The following TPST2 variants were observed in gnomAD, a reference collection of about 807,000 sequenced individuals.
The protein encoded by TPST2 is tyrosylprotein sulfotransferase 2.
A neutral mutation model predicts 27.8 loss-of-function variants in TPST2; 16 were observed. The ratio of observed to expected loss-of-function variants is 0.58; its 90% confidence interval spans 0.39 to 0.88. TPST2 has a LOEUF of 0.88. Ranked by LOEUF, TPST2 falls within the 40% of genes least tolerant of loss-of-function variation. The pLI is 0.00. For synonymous variants in TPST2, 229 were observed against 231.7 expected, an observed-to-expected ratio of 0.99 and a Z score of 0.10; for missense variants, 464 against 543.1, an observed-to-expected ratio of 0.85 and a Z score of 1.45.
At chr22:26,561,219 A>G (rs1927074982) in intron 1 of TPST2, 24 of 1,523,652 alleles carry the variant, frequency 1.6e-5, no homozygotes, top group Admixed American at 9.0e-5. Flanking sequence ...CCCCCTGTAC[A>G]CAACTCACTC....
intron 1 of TPST2, among the ~76,000 whole-genome samples, chr22:26,574,760 C>G (rs896753545): frequency 6.6e-6 from 1 of 152,174 alleles, no homozygotes; most frequent in Non-Finnish European, 1.5e-5. Context: ...CCTCACCACC[C>G]AGAATGTAGG....
At chr22:26,528,720 T>C (rs983060375) in intron 5 of TPST2, among the ~76,000 whole-genome samples, 1 of 152,212 alleles carries the variant, frequency 6.6e-6, no homozygotes, top group Admixed American at 6.5e-5. Flanking sequence ...CCATGGCTCA[T>C]GGCTGTAATC....
chr22:26,536,124 G>T (rs982452039), intron 4 of TPST2, 164 bp downstream of exon 4: 2 of 1,024,262 alleles, frequency 2.0e-6, no homozygotes, highest in Non-Finnish European at 3.0e-6. Flanking sequence ...AAGCAAAATG[G>T]AAATACAAGC....
rs570960447 is a variant in TPST2, at chr22:26,572,123, T to C, written c.-161+17930A>G. On this transcript the variant is annotated intron_variant, in intron 1 of 6. Transcript: ENST00000338754. ...CCATGCATCCCTGGCTTTCTTATTTTCATTCTCAGTCCACCTTCGACCCCT... is the reference window on the plus strand; with the variant it reads ...CCATGCATCCCTGGCTTTCTTATTTCCATTCTCAGTCCACCTTCGACCCCT... Among the ~76,000 whole-genome samples, 3 of 152,332 alleles carry C rather than the reference T, an allele frequency of 2.0e-5. No individual in the cohort carries two copies. The East Asian group carries it at 5.8e-4, about 29-fold the overall frequency.
At chr22:26,571,532 C>G (rs1054687416) in intron 1 of TPST2, among the ~76,000 whole-genome samples, 1 of 152,102 alleles carries the variant, frequency 6.6e-6, no homozygotes, top group African/African-American at 2.4e-5. Context: ...GTTTCCGGAG[C>G]ATTGCAGCTC....
chr22:26,577,415 G>A (rs1205436665), intron 1 of TPST2, among the ~76,000 whole-genome samples: 1 of 151,736 alleles, frequency 6.6e-6, no homozygotes, highest in Non-Finnish European at 1.5e-5. Context: ...CACTATCTTG[G>A]CTCACTGTAA....
At chr22:26,585,938 G>A (rs1355115675) in intron 1 of TPST2, among the ~76,000 whole-genome samples, 1 of 152,122 alleles carries the variant, frequency 6.6e-6, no homozygotes, top group Non-Finnish European at 1.5e-5. Context: ...AGCTACTCGG[G>A]AGGCTGAGGC....
At chr22:26,528,427 G>A (rs1369897510) in intron 5 of TPST2, among the ~76,000 whole-genome samples, 165 bp from the exon 6 acceptor site, 1 of 152,180 alleles carries the variant, frequency 6.6e-6, no homozygotes, top group Admixed American at 6.5e-5. Flanking sequence ...TGGTGAGCGG[G>A]ACAGACCCAA....
chr22:26,560,932 C>G, intron 1 of TPST2: 1 of 1,609,364 alleles, frequency 6.2e-7, no homozygotes, highest in South Asian at 1.1e-5. Context: ...TGGAATAACA[C>G]TGCCGCAGAT....
At chr22:26,580,811 C>T (rs556640150) in intron 1 of TPST2, among the ~76,000 whole-genome samples, 1 of 152,182 alleles carries the variant, frequency 6.6e-6, no homozygotes, top group South Asian at 2.1e-4. Flanking sequence ...GACGCGTTAG[C>T]ACCTAATGGA....
intron 1 of TPST2, chr22:26,560,427 G>A (rs1927024634): frequency 3.0e-6 from 2 of 666,056 alleles, no homozygotes; most frequent in South Asian, 1.8e-5. Flanking sequence ...AAGATATTGT[G>A]CATTGCAGTA....
At chr22:26,529,062 T>C (rs554025602) in intron 5 of TPST2, among the ~76,000 whole-genome samples, 24 of 151,970 alleles carry the variant, frequency 1.6e-4, no homozygotes, top group African/African-American at 5.5e-4. Flanking sequence ...TGGGGGTCCC[T>C]AGATAGCTTC....
chr22:26,534,956 G>C (rs1925368685), intron 4 of TPST2, among the ~76,000 whole-genome samples: 1 of 152,168 alleles, frequency 6.6e-6, no homozygotes, highest in African/African-American at 2.4e-5. Flanking sequence ...TTGAATCTCT[G>C]AGTATTTCCA....
intron 1 of TPST2, among the ~76,000 whole-genome samples, chr22:26,545,355 T>C (rs1408870492): frequency 1.3e-5 from 2 of 152,178 alleles, no homozygotes; most frequent in African/African-American, 2.4e-5. Flanking sequence ...CTGTAAGACC[T>C]TCCTAACACT....
chr22:26,555,875 C>G (rs1006983428), intron 1 of TPST2, among the ~76,000 whole-genome samples: 2 of 152,202 alleles, frequency 1.3e-5, no homozygotes, highest in Non-Finnish European at 2.9e-5. Flanking sequence ...AATAAGAAAT[C>G]CAGAGGCGGA....
intron 1 of TPST2, chr22:26,555,358 A>G (rs1257735286): frequency 2.2e-6 from 1 of 464,418 alleles, no homozygotes; most frequent in Admixed American, 2.3e-5. Flanking sequence ...ATCATCGTGG[A>G]GTGCAGGGGT....
chr22:26,532,685 G>C lies in TPST2; in HGVS notation c.1092+10C>G, dbSNP rs552433818. 1 of 1,613,774 alleles carries C rather than the reference G, an allele frequency of 6.2e-7. No homozygotes were observed. Among genetic ancestry groups the C allele is most frequent in the South Asian group, 1.1e-5 (1 of 91,054 alleles). On this transcript the variant is annotated intron_variant, in intron 5 of 6. Coordinates refer to ENST00000338754, the MANE Select transcript of TPST2 (RefSeq NM_003595.5). The stretch of plus-strand genomic sequence containing the variant: ...AGACAGAATTCGGAATTCCCCTTGG[G>C]GTTTCTAACCTGAAAATATCCTTTC...
intron 4 of TPST2, chr22:26,535,840 A>G (rs1191360778): frequency 9.3e-6 from 3 of 323,672 alleles, no homozygotes; most frequent in Non-Finnish European, 1.8e-5. Flanking sequence ...AATTTTAAGC[A>G]TAATTTAAAC....
At chr22:26,537,184 A>G (rs1314206200) in intron 3 of TPST2, among the ~76,000 whole-genome samples, 1 of 152,222 alleles carries the variant, frequency 6.6e-6, no homozygotes, top group Non-Finnish European at 1.5e-5. Flanking sequence ...TCGGCTTCCT[A>G]CAGGCACTCA....
Sources: allele counts gnomAD v4.1 joint callset (sites outside exome capture counted in the v4.1 genomes callset), GRCh38; gene constraint gnomAD v4.1.1; transcripts MANE v1.5; gene names NCBI Gene and HGNC (gene_info 2026-07-23, HGNC 2026-07-21).